Variants in SYNE1 observed in about 807,000 individuals in gnomAD.
SYNE1 encodes the protein nesprin-1.
SYNE1 carries 616 observed loss-of-function variants against 1,111.0 expected under a neutral mutation model. The observed-to-expected ratio is 0.55, with a 90% CI of 0.52 to 0.59. SYNE1 has a LOEUF of 0.59. Ranked by LOEUF, SYNE1 falls within the 20% of genes least tolerant of loss-of-function variation. The pLI, the probability that SYNE1 is intolerant of heterozygous loss-of-function variation, is 0.00. For synonymous variants in SYNE1, 3,855 were observed against 3,825.8 expected (o/e 1.01, Z -0.28); for missense variants, 10,006 against 10,417.0 (o/e 0.96, Z 1.72).
At chr6:152,144,711 A>G (rs1047705244) in intron 137 of SYNE1, 2 of 152,446 alleles carry the variant, frequency 1.3e-5, no homozygotes, top group Admixed American at 1.3e-4. Flanking sequence ...TTTTCTTCAA[A>G]AACTGAAGCG....
At chr6:152,539,112 A>T (rs1314470929) in intron 4 of SYNE1, among the ~76,000 whole-genome samples, 1 of 152,208 alleles carries the variant, frequency 6.6e-6, no homozygotes, top group African/African-American at 2.4e-5. Flanking sequence ...CACTCTCAGC[A>T]AAAGTGAGAA....
At chr6:152,425,616 C>T (rs983438045) in intron 38 of SYNE1, 69 bp from the exon 39 acceptor site, 226 of 1,580,358 alleles carry the variant, frequency 1.4e-4, no homozygotes, top group Non-Finnish European at 1.2e-4. Context: ...GCGGCACAGG[C>T]GGCTGTTGTC....
chr6:152,208,665 C>T (rs894536016), intron 124 of SYNE1, among the ~76,000 whole-genome samples: 7 of 152,170 alleles, frequency 4.6e-5, no homozygotes, highest in African/African-American at 1.7e-4. Context: ...GAATCATAAG[C>T]CACTTGAATC....
chr6:152,185,218 T>A (rs1047614868), intron 128 of SYNE1: 2 of 152,190 alleles, frequency 1.3e-5, no homozygotes, highest in Non-Finnish European at 2.9e-5. Context: ...ATTTGGGCTG[T>A]CTACTTGAAA....
At chr6:152,169,309 T>A (rs1325429199) in intron 130 of SYNE1, among the ~76,000 whole-genome samples, 2 of 151,998 alleles carry the variant, frequency 1.3e-5, no homozygotes, top group Non-Finnish European at 2.9e-5. Context: ...ACGCCTGTAA[T>A]CCCAGCACTT....
At chr6:152,130,089 G>T (rs935085056) in intron 145 of SYNE1, among the ~76,000 whole-genome samples, 1 of 152,170 alleles carries the variant, frequency 6.6e-6, no homozygotes, top group Admixed American at 6.5e-5. Context: ...CTGGGCAGGG[G>T]CACTGGCTGC....
At chr6:152,503,202 A>G (rs566299460) in intron 9 of SYNE1, among the ~76,000 whole-genome samples, 1 of 152,172 alleles carries the variant, frequency 6.6e-6, no homozygotes, top group Non-Finnish European at 1.5e-5. Flanking sequence ...TACACACACT[A>G]TATATGGCCA....
Position 152,231,558 on chromosome 6 carries a change from T to C in SYNE1, c.20872A>G (p.Ile6958Val), listed in dbSNP as rs1455828482. 4.3e-6 allele frequency: 7 copies of C among 1,613,956 alleles called. No individual in the cohort carries two copies. The highest frequency in any genetic ancestry group is 5.9e-6 in the Non-Finnish European group (7 of 1,179,952). The change falls in exon 114 of 146, where the codon ATA (isoleucine) becomes GTA (valine). Residue 6958 changes from isoleucine (I) to valine (V), a missense_variant. Ile to Val is a conservative substitution (Grantham distance 29). Transcript: ENST00000367255. Reference protein sequence around the residue: ...EYLQKYKGFKIDINCKQLTVD... With the variant: ...EYLQKYKGFKVDINCKQLTVD... ...GTCAGCTGTTTACAGTTAATGTCTA[T>C]CTTAAAACCCTAAAAAAAAAGAGGA...
intron 104 of SYNE1, among the ~76,000 whole-genome samples, chr6:152,253,818 G>GTTTTTTTTTTTTTT (rs35951972): frequency 8.0e-5 from 6 of 74,864 alleles, no homozygotes; most frequent in Admixed American, 1.8e-4. Context: ...TAGTGGTTTG[G>GTTTTTTTTTTTTTT]TTTTTTTTTT....
intron 130 of SYNE1, among the ~76,000 whole-genome samples, chr6:152,164,978 A>C (rs1460709783): frequency 6.6e-6 from 1 of 152,038 alleles, no homozygotes; most frequent in African/African-American, 2.4e-5. Flanking sequence ...GACTTGTAAG[A>C]CTCTAGGTTT....
chr6:152,202,346 C>CAAAAAAA (rs35563822), intron 126 of SYNE1, among the ~76,000 whole-genome samples: 1 of 48,036 alleles, frequency 2.1e-5, no homozygotes, highest in African/African-American at 6.5e-5. Context: ...GACTCTGTCT[C>CAAAAAAA]AAAAAAAAAA....
At chr6:152,412,958 T>C (rs942482083) in intron 42 of SYNE1, among the ~76,000 whole-genome samples, 2 of 151,542 alleles carry the variant, frequency 1.3e-5, no homozygotes, top group Admixed American at 6.6e-5. Context: ...TTCAAGTGAT[T>C]CTCCTGCCTC....
intron 126 of SYNE1, among the ~76,000 whole-genome samples, chr6:152,204,942 G>A (rs2076221554): frequency 6.6e-6 from 1 of 152,116 alleles, no homozygotes; most frequent in South Asian, 2.1e-4. Flanking sequence ...GAGTTACAAT[G>A]TTTTAAATCC....
chr6:152,453,135 A>T (rs1179456101), intron 25 of SYNE1, among the ~76,000 whole-genome samples: 7 of 152,156 alleles, frequency 4.6e-5, no homozygotes, highest in Non-Finnish European at 1.0e-4. Context: ...TTCATCATTG[A>T]ATTCTTGACT....
intron 15 of SYNE1, 135 bp from the exon 16 acceptor site, chr6:152,471,900 A>G: frequency 1.1e-6 from 1 of 888,454 alleles, no homozygotes; most frequent in Non-Finnish European, 1.7e-6. Context: ...CATTTTCTGG[A>G]AATCCGATTC....
chr6:152,330,790 G>T lies in SYNE1; in HGVS notation c.13895C>A (p.Ser4632Ter). ...LQRTGQTILP[S>*]LNEVDHSYLS... ...GTAGGAATGATCGACTTCATTCAGC[G>T]ATGGTAATATGGTCTGCCCAGTTCT... The change falls in exon 78 of 146, where the codon TCG becomes TAG. Residue 4632 changes from serine (S) to a stop codon, truncating the protein, a stop_gained. Coordinates refer to ENST00000367255, the MANE Select transcript of SYNE1 (RefSeq NM_182961.4). LOFTEE classifies it high-confidence loss of function. 1.2e-6 allele frequency: 2 copies of T among 1,613,860 alleles called. No individual in the cohort carries two copies. The highest frequency in any genetic ancestry group is 8.5e-7 in the Non-Finnish European group (1 of 1,180,030).
chr6:152,202,831 G>A (rs2153375799), intron 126 of SYNE1, among the ~76,000 whole-genome samples: 1 of 152,164 alleles, frequency 6.6e-6, no homozygotes, highest in South Asian at 2.1e-4. Context: ...CACTACAAAA[G>A]CATGGCATTT....
At chr6:152,582,184 C>T (rs2099522231) in intron 3 of SYNE1, among the ~76,000 whole-genome samples, 1 of 152,046 alleles carries the variant, frequency 6.6e-6, no homozygotes, top group Admixed American at 6.6e-5. Context: ...TTCAAGTTAG[C>T]CTGACACTCT....
rs541054144 is a variant in SYNE1, at chr6:152,218,435, GT to G, written c.22045-33del. The stretch of plus-strand genomic sequence containing the variant: ...TTCCACAAAAGAAATTGGTATTTCA[GT>G]TAAAAAAAAAAAAATTGGTATTTTA... On this transcript the variant is annotated intron_variant, in intron 120 of 145. Coordinates refer to ENST00000367255, the MANE Select transcript of SYNE1 (RefSeq NM_182961.4). 1.6e-4 allele frequency: 247 copies of G among 1,526,102 alleles called. No homozygotes were observed. The African/African-American group carries it at 3.9e-3, about 24-fold the overall frequency. The allele number at this position is 1,526,102 out of a possible 1,614,324, so 94.5% of individuals were successfully genotyped here.
Sources: gnomAD v4.1 joint callset for allele counts (sites outside exome capture counted in the v4.1 genomes callset) on GRCh38, gnomAD v4.1.1 for gene constraint, MANE v1.5 for transcripts, NCBI Gene and HGNC (gene_info 2026-07-23, HGNC 2026-07-21) for gene names.